KLF3: variants seen among roughly 807,000 people sequenced by gnomAD.
The protein encoded by KLF3 is KLF transcription factor 3.
A neutral mutation model predicts 32.7 loss-of-function variants in KLF3; 6 were observed. That is an observed-to-expected ratio of 0.18 (90% confidence interval 0.10 to 0.36). The LOEUF (loss-of-function observed/expected upper bound fraction) is 0.36. Among genes scored for constraint, KLF3 ranks in the 10% least tolerant of loss-of-function variants. KLF3 has a pLI of 1.00. For missense variants in KLF3, 338 were observed against 449.7 expected (o/e 0.75, Z 2.25); for synonymous variants, 145 against 172.8 (o/e 0.84, Z 1.26).
rs1723077323 is a variant in KLF3, at chr4:38,697,582, C to T, written c.*319C>T. On this transcript the variant is annotated 3_prime_UTR_variant, in exon 6 of 6. Transcript: ENST00000261438. ...CATGTAAACTAACATAACCAATTGT[C>T]AGTTCTCCATGTATTCCTCAAAAGA... The T allele has an allele frequency of 1.2e-5, 3 of 242,238 alleles. No individual in the cohort carries two copies. Among genetic ancestry groups the T allele is most frequent in the Non-Finnish European group, 7.9e-6 (1 of 126,030 alleles). 15.0% of individuals were successfully genotyped at this position (242,238 alleles called of 1,614,324 possible).
At chr4:38,673,299 G>A (rs1245143403) in intron 1 of KLF3, among the ~76,000 whole-genome samples, 2 of 152,194 alleles carry the variant, frequency 1.3e-5, no homozygotes, top group African/African-American at 2.4e-5. Context: ...GGGCCCCATG[G>A]GTGGAGGCTC....
rs527747865 is a variant in KLF3 at position 38,666,685 on chromosome 4, G to C, written c.-40+2224G>C. 1.6e-3 allele frequency among the ~76,000 whole-genome samples: 241 copies of C among 152,376 alleles called. 7 individuals carry two copies. In the South Asian group the frequency reaches 0.048, roughly 31 times the overall value. ...TATAAACGTGTGTATATGTTGAACA[G>C]ATGAGCAGCTCTGCAAAGATGTGTA... On this transcript the variant is annotated intron_variant, in intron 1 of 5. Coordinates refer to ENST00000261438, the MANE Select transcript of KLF3 (RefSeq NM_016531.6).
In KLF3 at chr4:38,694,844, A is replaced by T; in HGVS notation, c.794A>T (p.Asp265Val). The change falls in exon 5 of 6, where the codon GAT (aspartate) becomes GTT (valine). Residue 265 changes from aspartate (D) to valine (V), a missense_variant. Asp to Val is a radical substitution (Grantham distance 152). Around this residue, in one of 2 missense-constraint regions of KLF3, gnomAD observed 66 missense variants for 136.2 expected, o/e 0.48. Coordinates refer to ENST00000261438, the MANE Select transcript of KLF3 (RefSeq NM_016531.6). ...RKRRIHRCDY[D>V]GCNKVYTKSS... Reference sequence around the variant, plus strand: ...CGGAGGATACACAGATGTGATTATGATGGATGCAACAAAGTGTACACTAAA... The same window carrying T: ...CGGAGGATACACAGATGTGATTATGTTGGATGCAACAAAGTGTACACTAAA... The T allele has an allele frequency of 1.2e-6, 2 of 1,609,268 alleles. No homozygotes were observed. The highest frequency in any genetic ancestry group is 1.7e-6 in the Non-Finnish European group (2 of 1,178,336).
intron 4 of KLF3, among the ~76,000 whole-genome samples, chr4:38,694,225 T>C (rs1314501130): frequency 1.3e-5 from 2 of 152,214 alleles, no homozygotes; most frequent in Non-Finnish European, 2.9e-5. Flanking sequence ...AACGTAGATA[T>C]ACCCTACAAT....
At chr4:38,694,632 T>C in intron 4 of KLF3, 114 bp from the exon 5 acceptor site, 1 of 911,436 alleles carries the variant, frequency 1.1e-6, no homozygotes, top group South Asian at 1.9e-5. Flanking sequence ...TTGTTTATTT[T>C]GTTGGGATTT....
chr4:38,684,541 G>GTTTTTT (rs139709836), intron 2 of KLF3, among the ~76,000 whole-genome samples: 3 of 109,162 alleles, frequency 2.7e-5, no homozygotes, highest in Admixed American at 9.7e-5. Context: ...GGTTTTTTGT[G>GTTTTTT]TTTTTTTTTT....
intron 4 of KLF3, chr4:38,690,760 T>G (rs1274166841): frequency 6.6e-6 from 1 of 152,224 alleles, no homozygotes; most frequent in African/African-American, 2.4e-5. Flanking sequence ...ACCTTTCTCC[T>G]TTATTTTCTC....
Position 38,694,925 on chromosome 4 carries a change from C to G in KLF3, c.856+19C>G. 1 of 1,570,888 alleles carries G rather than the reference C, an allele frequency of 6.4e-7. No individual in the cohort carries two copies. Among genetic ancestry groups the G allele is most frequent in the South Asian group, 1.2e-5 (1 of 82,286 alleles). On this transcript the variant is annotated intron_variant, in intron 5 of 5. Transcript: ENST00000261438. ...CACACAGGTAATAGAAACACCAGACCCACTTCATCTTTCTTCTTAAGAAGT... is the reference window on the plus strand; with the variant it reads ...CACACAGGTAATAGAAACACCAGACGCACTTCATCTTTCTTCTTAAGAAGT...
rs10026640 is a variant in KLF3 at position 38,701,352 on chromosome 4, A to C, written c.*4089A>C. On this transcript the variant is annotated 3_prime_UTR_variant, in exon 6 of 6. Transcript: ENST00000261438. ...TACTTCTTGTATTTGTTATTTATGA[A>C]CCCCTGCCTGCTTCCAAAAAGAACT... Among the ~76,000 whole-genome samples, 43,871 of 150,506 alleles carry C rather than the reference A, an allele frequency of 0.29. 6,510 individuals carry two copies. Among genetic ancestry groups the C allele is most frequent in the African/African-American group, 0.33 (13,583 of 41,320 alleles).
At chr4:38,696,943 A>G in intron 5 of KLF3, 139 bp from the exon 6 acceptor site, 4 of 630,920 alleles carry the variant, frequency 6.3e-6, no homozygotes, top group Non-Finnish European at 1.0e-5. Flanking sequence ...CTTGTCTTGC[A>G]GTAGTTTATA....
intron 5 of KLF3, 51 bp downstream of exon 5, chr4:38,694,957 A>G (rs369070711): frequency 1.9e-4 from 288 of 1,542,928 alleles, no homozygotes; most frequent in Non-Finnish European, 2.2e-4. Flanking sequence ...AAGTATTAGA[A>G]TGGAATGCAA....
rs1466317097 is a variant in KLF3, at chr4:38,689,931, A to G, written c.695+52A>G. ...TTTGCATAGTAGTGTGCATCTTGGA[A>G]CCTGGAGCAGAAGCACAAGATTTCA... On this transcript the variant is annotated intron_variant, in intron 4 of 5. Transcript: ENST00000261438. The G allele has an allele frequency of 2.7e-6, 4 of 1,505,044 alleles. No individual in the cohort carries two copies. In the South Asian group the frequency reaches 4.9e-5, roughly 19 times the overall value. 93.2% of individuals were successfully genotyped at this position (1,505,044 alleles called of 1,614,324 possible).
In KLF3 at chr4:38,688,575, T is replaced by C; in HGVS notation, c.58-10T>C. ...GGCTGTTGACACGTTTTCCTTTTCT[T>C]TTCTAATAGTCATACCCATCTAATT... On this transcript the variant is annotated splice_polypyrimidine_tract_variant and intron_variant, in intron 2 of 5. Transcript: ENST00000261438. This position sits in a 1 kb window ranked among gnomAD's most constrained non-coding sequence, Gnocchi z 4.9. The C allele has an allele frequency of 1.9e-6, 3 of 1,561,508 alleles. No homozygotes were observed. The highest frequency in any genetic ancestry group is 1.7e-6 in the Non-Finnish European group (2 of 1,150,772).
chr4:38,690,565 A>C (rs1301142163), intron 4 of KLF3: 1 of 152,226 alleles, frequency 6.6e-6, no homozygotes, highest in Admixed American at 6.5e-5. Context: ...TGGACTAGTC[A>C]CTTAATCTTG....
chr4:38,694,746 G>A lies in KLF3; in HGVS notation c.696G>A (p.Glu232=), dbSNP rs767831619. The A allele has an allele frequency of 2.6e-6, 4 of 1,550,280 alleles. No homozygotes were observed. In the South Asian group the frequency reaches 3.8e-5, roughly 15 times the overall value. The change falls in exon 5 of 6, where the codon GAG becomes GAA. Residue 232 remains glutamate, a splice_region_variant and synonymous_variant. Coordinates refer to ENST00000261438, the MANE Select transcript of KLF3 (RefSeq NM_016531.6). ...TGGCCTGTAACCTTGGCTTTCACAG[G>A]AATCACCCTTCGGTCATCGTGCAGC... ...SVSPPQALLQ[E]NHPSVIVQPG...
At position 38,697,334 on chromosome 4, in the gene KLF3, C is replaced by G; in HGVS notation, c.*71C>G. On this transcript the variant is annotated 3_prime_UTR_variant, in exon 6 of 6. Coordinates refer to ENST00000261438, the MANE Select transcript of KLF3 (RefSeq NM_016531.6). ...CTCTCTCTGTCCTGCCTCCCATTATCTAACACATTTTTTACATGTACATTT... is the reference window on the plus strand; with the variant it reads ...CTCTCTCTGTCCTGCCTCCCATTATGTAACACATTTTTTACATGTACATTT... 4 of 1,335,412 alleles carry G rather than the reference C, an allele frequency of 3.0e-6. No homozygotes were observed. Among genetic ancestry groups the G allele is most frequent in the Non-Finnish European group, 3.1e-6 (3 of 974,594 alleles). The allele number at this position is 1,335,412 out of a possible 1,614,324, so 82.7% of individuals were successfully genotyped here.
chr4:38,690,497 A>AG (rs1195813129), intron 4 of KLF3: 1 of 152,242 alleles, frequency 6.6e-6, no homozygotes, highest in Non-Finnish European at 1.5e-5. Context: ...GTTGCTAAGA[A>AG]GATGGTTTTC....
At position 38,688,835 on chromosome 4, in the gene KLF3, C is replaced by T. The variant is rs1722782336; in HGVS notation, c.308C>T (p.Pro103Leu). 2.5e-6 allele frequency: 4 copies of T among 1,614,198 alleles called. No individual in the cohort carries two copies. Among genetic ancestry groups the T allele is most frequent in the African/African-American group, 1.3e-5 (1 of 75,050 alleles). Residue 103 changes from proline to leucine, a missense_variant, in exon 3 of 6, where the codon CCG (proline) becomes CTG (leucine). Pro to Leu is a moderately conservative substitution (Grantham distance 98). Around this residue, in one of 2 missense-constraint regions of KLF3, gnomAD observed 272 missense variants for 313.4 expected, o/e 0.87. Transcript: ENST00000261438. This position sits in a 1 kb window ranked among gnomAD's most constrained non-coding sequence, Gnocchi z 4.9. ...PGLSMPSSSP[P>L]IKKYSPPSPG... ...TTGAGCATGCCTTCTTCCAGCCCACCGATAAAAAAATACTCACCCCCTTCT... is the reference window on the plus strand; with the variant it reads ...TTGAGCATGCCTTCTTCCAGCCCACTGATAAAAAAATACTCACCCCCTTCT...
chr4:38,694,413 C>G (rs1722988687), intron 4 of KLF3, among the ~76,000 whole-genome samples: 2 of 152,314 alleles, frequency 1.3e-5, no homozygotes, highest in South Asian at 4.1e-4. Flanking sequence ...GTGCCTGCCT[C>G]TAGCATAGCA....
Sources: allele counts gnomAD v4.1 joint callset (sites outside exome capture counted in the v4.1 genomes callset), GRCh38; gene constraint gnomAD v4.1.1; regional missense constraint gnomAD v4.1.1; non-coding constraint Gnocchi (gnomAD v3.1); transcripts MANE v1.5; gene names NCBI Gene and HGNC (gene_info 2026-07-23, HGNC 2026-07-21).